GPBP1L1: variants seen among roughly 807,000 people sequenced by gnomAD.
The protein encoded by GPBP1L1 is vasculin-like protein 1.
Under a neutral mutation model 52.5 loss-of-function variants are expected in GPBP1L1, and 23 were observed. The observed-to-expected ratio is 0.44, with a 90% CI of 0.32 to 0.62. The LOEUF is 0.62. Among genes scored for constraint, GPBP1L1 ranks in the 20% least tolerant of loss-of-function variants. GPBP1L1 has a pLI of 0.06. For missense variants in GPBP1L1, 596 were observed against 579.3 expected (o/e 1.03, Z -0.30); for synonymous variants, 243 against 203.1 (o/e 1.20, Z -1.67).
chr1:45,632,750 A>C (rs951900902), intron 10 of GPBP1L1, among the ~76,000 whole-genome samples: 1 of 152,186 alleles, frequency 6.6e-6, no homozygotes, highest in Non-Finnish European at 1.5e-5. Context: ...GAAGAGTCAA[A>C]TCACAGACTT....
In GPBP1L1 at chr1:45,660,527, G is replaced by C; in HGVS notation, c.-399C>G. 1.0e-6 allele frequency: 1 copy of C among 984,494 alleles called. No homozygotes were observed. The highest frequency in any genetic ancestry group is 1.2e-6 in the Non-Finnish European group (1 of 829,094). The allele number at this position is 984,494 out of a possible 1,614,324, so 61.0% of individuals were successfully genotyped here. On this transcript the variant is annotated 5_prime_UTR_variant, in exon 3 of 13. Transcript: ENST00000355105. Reference sequence around the variant, plus strand: ...CTTCCTTGAGTTATGGCACTATGATGTTGCTTAATTAGGTAAGACATGGAT... The same window carrying C: ...CTTCCTTGAGTTATGGCACTATGATCTTGCTTAATTAGGTAAGACATGGAT...
intron 2 of GPBP1L1, among the ~76,000 whole-genome samples, chr1:45,667,797 G>C (rs1645027898): frequency 6.6e-6 from 1 of 152,176 alleles, no homozygotes; most frequent in South Asian, 2.1e-4. Flanking sequence ...GCCCAGGCTG[G>C]AGTACAATGG....
chr1:45,629,417 C>CAGATTT (rs1216931731), intron 12 of GPBP1L1, among the ~76,000 whole-genome samples, 159 bp downstream of exon 12: 1 of 149,740 alleles, frequency 6.7e-6, no homozygotes, highest in Non-Finnish European at 1.5e-5. Context: ...ATTTCCCAGG[C>CAGATTT]AGATTTAGGG....
chr1:45,633,732 T>A (rs1158728399), intron 9 of GPBP1L1, 85 bp from the exon 10 acceptor site: 5 of 1,342,674 alleles, frequency 3.7e-6, no homozygotes, highest in Non-Finnish European at 5.1e-6. Flanking sequence ...ACTTCAAGAA[T>A]CTGGTAGCCT....
Position 45,655,266 on chromosome 1 carries a change from A to G in GPBP1L1, c.114T>C (p.Gly38=), listed in dbSNP as rs1047237446. The G allele has an allele frequency of 6.2e-7, 1 of 1,614,060 alleles. No individual in the cohort carries two copies. The highest frequency in any genetic ancestry group is 8.5e-7 in the Non-Finnish European group (1 of 1,179,962). The stretch of plus-strand genomic sequence containing the variant: ...GTCGACGGCGGCTTACTCCAAATCT[A>G]CCTTCTCCTCTGGGTAGGTGCTCTC... The part of the protein sequence containing the change: ...KHGEHLPRGE[G]RFGVSRRRHN... Residue 38 remains glycine, a synonymous_variant, in exon 5 of 13, where the codon GGT becomes GGC. Transcript: ENST00000355105.
chr1:45,681,813 A>G (rs918332059), intron 2 of GPBP1L1, among the ~76,000 whole-genome samples: 1 of 152,236 alleles, frequency 6.6e-6, no homozygotes, highest in Non-Finnish European at 1.5e-5. Context: ...AGCAAAGCTG[A>G]GATTCGAACC....
chr1:45,687,620 C>T (rs1342031724), upstream of GPBP1L1: 3 of 152,340 alleles, frequency 2.0e-5, no homozygotes, highest in African/African-American at 4.8e-5. Context: ...GAAATAAAGC[C>T]GAGGGCAGTA....
chr1:45,628,446 AT>A, intron 12 of GPBP1L1, 38 bp from the exon 13 acceptor site: 1 of 1,602,584 alleles, frequency 6.2e-7, no homozygotes, highest in Admixed American at 1.7e-5. Context: ...AAAGAAAAAA[AT>A]ATCAATGACT....
chr1:45,684,122 G>C (rs1187378219), intron 2 of GPBP1L1, among the ~76,000 whole-genome samples: 5 of 151,738 alleles, frequency 3.3e-5, no homozygotes, highest in Non-Finnish European at 4.4e-5. Flanking sequence ...GCCAGGCGTA[G>C]TGGTGAGCCC....
chr1:45,645,052 T>C (rs573774948), intron 6 of GPBP1L1, among the ~76,000 whole-genome samples: 1 of 152,178 alleles, frequency 6.6e-6, no homozygotes, highest in Admixed American at 6.5e-5. Flanking sequence ...AACTGTCCCA[T>C]GTTTGGCCTA....
intron 2 of GPBP1L1, among the ~76,000 whole-genome samples, chr1:45,662,034 T>C (rs1419539440): frequency 6.6e-6 from 1 of 152,204 alleles, no homozygotes; most frequent in Non-Finnish European, 1.5e-5. Context: ...TATTTTTAGA[T>C]ACCTGGCTCT....
chr1:45,679,258 G>A (rs1645183749), intron 2 of GPBP1L1, among the ~76,000 whole-genome samples: 2 of 152,142 alleles, frequency 1.3e-5, no homozygotes, highest in Non-Finnish European at 2.9e-5. Flanking sequence ...AGGCTCCCTT[G>A]ACTTGGCAAA....
At chr1:45,633,842 C>T (rs374200796) in intron 9 of GPBP1L1, 195 bp from the exon 10 acceptor site, 2 of 666,066 alleles carry the variant, frequency 3.0e-6, no homozygotes. Flanking sequence ...GCTTACATGG[C>T]ACCTCTTTGA....
At chr1:45,659,248 C>A in intron 3 of GPBP1L1, 106 bp from the exon 4 acceptor site, 1 of 663,580 alleles carries the variant, frequency 1.5e-6, no homozygotes, top group Admixed American at 2.9e-5. Flanking sequence ...AAGACCTGCC[C>A]TCTGAGCCTG....
chr1:45,670,342 A>T (rs980140984), intron 2 of GPBP1L1, among the ~76,000 whole-genome samples: 3 of 152,242 alleles, frequency 2.0e-5, no homozygotes, highest in African/African-American at 7.2e-5. Flanking sequence ...TAAATCAGAT[A>T]CGAATCCTAT....
intron 7 of GPBP1L1, 137 bp from the exon 8 acceptor site, chr1:45,640,540 TTAATAGA>T (rs1196058586): frequency 1.5e-6 from 1 of 686,242 alleles, no homozygotes; most frequent in East Asian, 2.5e-5. Context: ...TGGTATGCAC[TTAATAGA>T]TACTCTCAAA....
intron 10 of GPBP1L1, among the ~76,000 whole-genome samples, chr1:45,631,459 C>T (rs182182285): frequency 8.0e-4 from 121 of 152,178 alleles, no homozygotes; most frequent in African/African-American, 2.3e-3. Flanking sequence ...AACGGGGTTT[C>T]GCCAGGTTGG....
At chr1:45,648,813 A>G (rs1644785495) in intron 6 of GPBP1L1, among the ~76,000 whole-genome samples, 1 of 152,204 alleles carries the variant, frequency 6.6e-6, no homozygotes, top group South Asian at 2.1e-4. Context: ...GGATCACTTG[A>G]GGTCAGGAGT....
chr1:45,666,481 T>A (rs573544383), intron 2 of GPBP1L1, among the ~76,000 whole-genome samples: 22 of 152,282 alleles, frequency 1.4e-4, no homozygotes, highest in African/African-American at 5.3e-4. Flanking sequence ...AAGCCACTAA[T>A]ACTCACTTCT....
Sources: gnomAD v4.1 joint callset for allele counts (sites outside exome capture counted in the v4.1 genomes callset) on GRCh38, gnomAD v4.1.1 for gene constraint, MANE v1.5 for transcripts, NCBI Gene and HGNC (gene_info 2026-07-23, HGNC 2026-07-21) for gene names.